PTPRT: variants seen among roughly 807,000 people sequenced by gnomAD.
PTPRT encodes receptor-type tyrosine-protein phosphatase T.
In PTPRT, 56 loss-of-function variants were observed where a neutral mutation model predicts 176.8. The observed-to-expected ratio is 0.32, with a 90% CI of 0.26 to 0.40. PTPRT has a LOEUF of 0.40. PTPRT is among the 10% of genes least tolerant of loss of function. The probability of loss-of-function intolerance (pLI) is 1.00; values close to 1 mark genes in which losing one functional copy is unlikely to be tolerated. For missense variants in PTPRT, 1,540 were observed against 1,908.2 expected (o/e 0.81, Z 3.60); for synonymous variants, 783 against 739.0 (o/e 1.06, Z -0.96).
intron 7 of PTPRT, among the ~76,000 whole-genome samples, chr20:42,529,699 C>T (rs2072344956): frequency 6.6e-6 from 1 of 151,938 alleles, no homozygotes; most frequent in African/African-American, 2.4e-5. Context: ...GTTGGCCAGG[C>T]TGGTCTCGAA....
chr20:42,557,064 C>CTATACATACAGA (rs1325489123), intron 7 of PTPRT, among the ~76,000 whole-genome samples: 1 of 152,132 alleles, frequency 6.6e-6, no homozygotes, highest in Non-Finnish European at 1.5e-5. Context: ...GAAGGCAACC[C>CTATACATACAGA]AGTGTGGCAG....
intron 6 of PTPRT, among the ~76,000 whole-genome samples, chr20:42,690,582 G>A (rs1051646875): frequency 3.9e-5 from 6 of 152,128 alleles, no homozygotes; most frequent in Non-Finnish European, 7.4e-5. Context: ...CAATGCCTGC[G>A]CAGCCCACAT....
At chr20:42,421,740 T>G (rs1018480769) in intron 9 of PTPRT, among the ~76,000 whole-genome samples, 1 of 152,090 alleles carries the variant, frequency 6.6e-6, no homozygotes, top group Non-Finnish European at 1.5e-5. Flanking sequence ...AAACCCTGAA[T>G]AGCCAACACA....
At chr20:42,667,476 A>T (rs2075336207) in intron 7 of PTPRT, among the ~76,000 whole-genome samples, 1 of 152,188 alleles carries the variant, frequency 6.6e-6, no homozygotes, top group African/African-American at 2.4e-5. Context: ...TGTCATCTCA[A>T]GTGTGACAGA....
intron 9 of PTPRT, among the ~76,000 whole-genome samples, chr20:42,360,304 C>T (rs1368910728): frequency 6.6e-6 from 1 of 152,164 alleles, no homozygotes; most frequent in Non-Finnish European, 1.5e-5. Context: ...GGGCTGCTTC[C>T]CAGACTCATT....
At chr20:42,400,312 T>C (rs1414373708) in intron 9 of PTPRT, among the ~76,000 whole-genome samples, 1 of 152,116 alleles carries the variant, frequency 6.6e-6, no homozygotes, top group Non-Finnish European at 1.5e-5. Context: ...GCACAGTTGA[T>C]TGGTTGATTC....
intron 7 of PTPRT, among the ~76,000 whole-genome samples, chr20:42,536,082 ACGAATGCTGCACCAAGCAGAAG>A (rs1435736924): frequency 6.6e-6 from 1 of 152,038 alleles, no homozygotes; most frequent in African/African-American, 2.4e-5. Flanking sequence ...TAAAGCAGAA[ACGAATGCTGCACCAAGCAGAAG>A]CCTCAGAGCT....
intron 1 of PTPRT, among the ~76,000 whole-genome samples, chr20:43,180,525 A>G (rs986475185): frequency 6.6e-6 from 1 of 151,690 alleles, no homozygotes; most frequent in South Asian, 2.1e-4. Context: ...GTGCAATGGC[A>G]TAGCCTCAGC....
Position 42,320,147 on chromosome 20 carries a change from T to C in PTPRT, c.1866-4151A>G, listed in dbSNP as rs186093978. Among the ~76,000 whole-genome samples, 381 of 152,320 alleles carry C rather than the reference T, an allele frequency of 2.5e-3. 2 individuals carry two copies. The highest frequency in any genetic ancestry group is 5.4e-3 in the Admixed American group (82 of 15,306). The stretch of plus-strand genomic sequence containing the variant: ...ATACTGTGCCCCCAACTAATTTCAT[T>C]CACTCTAAGGTGACTTCTGTAAGGT... On this transcript the variant is annotated intron_variant, in intron 11 of 30. Transcript: ENST00000373187.
chr20:43,145,039 G>T (rs1211525920), intron 1 of PTPRT, among the ~76,000 whole-genome samples: 1 of 152,200 alleles, frequency 6.6e-6, no homozygotes, highest in Non-Finnish European at 1.5e-5. Flanking sequence ...AGCAAAGGCT[G>T]TTCCCTCTGC....
intron 19 of PTPRT, among the ~76,000 whole-genome samples, chr20:42,126,301 A>G (rs1987855761): frequency 6.6e-6 from 1 of 152,204 alleles, no homozygotes; most frequent in South Asian, 2.1e-4. Flanking sequence ...CACTGTGATT[A>G]TTAAAGACAG....
In PTPRT at chr20:43,027,080, TA is replaced by T. The variant is rs368034448; in HGVS notation, c.89-141149del. Among the ~76,000 whole-genome samples, 863 of 152,300 alleles carry T rather than the reference TA, an allele frequency of 5.7e-3. 13 individuals are homozygous for T. The highest frequency in any genetic ancestry group is 0.02 in the African/African-American group (840 of 41,576). ...ATATACTGAGTTCCTTTCTTTTGGG[TA>T]AATACCTAGCAGTGGGATCGCTAGA... On this transcript the variant is annotated intron_variant, in intron 1 of 30. Coordinates refer to ENST00000373187, the MANE Select transcript of PTPRT (RefSeq NM_007050.6).
chr20:42,742,312 G>A (rs144045015), intron 6 of PTPRT, among the ~76,000 whole-genome samples: 9 of 152,348 alleles, frequency 5.9e-5, no homozygotes, highest in Non-Finnish European at 8.8e-5. Context: ...CCATCAAGGC[G>A]AGAAGGGCCA....
chr20:42,394,104 G>T (rs1226556103), intron 9 of PTPRT, among the ~76,000 whole-genome samples: 1 of 149,000 alleles, frequency 6.7e-6, no homozygotes, highest in Admixed American at 6.7e-5. Context: ...GTGAAAATGT[G>T]TATCTTCCTT....
At chr20:42,411,738 T>C (rs2145739382) in intron 9 of PTPRT, among the ~76,000 whole-genome samples, 1 of 152,146 alleles carries the variant, frequency 6.6e-6, no homozygotes, top group Non-Finnish European at 1.5e-5. Flanking sequence ...ATAAACAAAT[T>C]ATTTGAAAGA....
chr20:42,976,159 C>A (rs762450763), intron 1 of PTPRT, among the ~76,000 whole-genome samples: 6 of 152,176 alleles, frequency 3.9e-5, no homozygotes, highest in South Asian at 4.1e-4. Context: ...TGATCAGGAT[C>A]TTTGCATTAT....
At chr20:42,876,270 C>A (rs1301966090) in intron 2 of PTPRT, among the ~76,000 whole-genome samples, 1 of 152,078 alleles carries the variant, frequency 6.6e-6, no homozygotes, top group African/African-American at 2.4e-5. Flanking sequence ...AACTTTAAAC[C>A]AATCAATAAT....
chr20:42,902,032 T>G (rs1367439268), intron 1 of PTPRT, among the ~76,000 whole-genome samples: 3 of 152,142 alleles, frequency 2.0e-5, no homozygotes, highest in African/African-American at 4.8e-5. Flanking sequence ...AGTTTACTCA[T>G]TCTTCCTTCC....
At chr20:42,537,023 A>T (rs1286377041) in intron 7 of PTPRT, among the ~76,000 whole-genome samples, 1 of 152,200 alleles carries the variant, frequency 6.6e-6, no homozygotes, top group Non-Finnish European at 1.5e-5. Flanking sequence ...ATCATGTAAT[A>T]AAAAGAATTG....
Sources: allele counts gnomAD v4.1 joint callset (sites outside exome capture counted in the v4.1 genomes callset), GRCh38; gene constraint gnomAD v4.1.1; transcripts MANE v1.5; gene names NCBI Gene and HGNC (gene_info 2026-07-23, HGNC 2026-07-21).